Variants in CPA5 observed in about 807,000 individuals in gnomAD.
CPA5 encodes the protein testicular tissue protein Li 32.
Under a neutral mutation model 52.2 loss-of-function variants are expected in CPA5, and 38 were observed. That is an observed-to-expected ratio of 0.73 (90% CI 0.56 to 0.95). CPA5 has a LOEUF of 0.95. CPA5 is among the 40% of genes least tolerant of loss of function. The pLI is 0.00. For missense variants in CPA5, 519 were observed against 566.7 expected (o/e 0.92, Z 0.86); for synonymous variants, 198 against 213.7 (o/e 0.93, Z 0.64).
At chr7:130,355,361 C>G (rs1241082147) in intron 5 of CPA5, among the ~76,000 whole-genome samples, 1 of 152,146 alleles carries the variant, frequency 6.6e-6, no homozygotes, top group Non-Finnish European at 1.5e-5. Flanking sequence ...AAGCATTTAG[C>G]ATGTATTAAC....
At position 130,350,142 on chromosome 7, in the gene CPA5, C is replaced by T. The variant is rs782212311; in HGVS notation, c.333+33C>T. 1.5e-5 allele frequency: 24 copies of T among 1,593,370 alleles called. No individual in the cohort carries two copies. The African/African-American group carries it at 1.7e-4, about 12-fold the overall frequency. On this transcript the variant is annotated intron_variant, in intron 5 of 12. Transcript: ENST00000474905. The stretch of plus-strand genomic sequence containing the variant: ...CCTGCCCCAGCTGGGACCCTGCCTT[C>T]CGCCTTCCTTTCTGGTTGGGGCCCA...
intron 5 of CPA5, among the ~76,000 whole-genome samples, chr7:130,350,847 C>T (rs1554403778): frequency 1.3e-5 from 2 of 152,232 alleles, no homozygotes; most frequent in African/African-American, 4.8e-5. Flanking sequence ...GCTGGTAGCA[C>T]AGCCTCCTTC....
intron 12 of CPA5, 26 bp from the exon 13 acceptor site, chr7:130,368,384 G>T: frequency 6.2e-7 from 1 of 1,608,970 alleles, no homozygotes; most frequent in Non-Finnish European, 8.5e-7. Flanking sequence ...CTTTTGTGGG[G>T]CACATTTTGG....
chr7:130,348,625 G>A (rs1458316979), intron 4 of CPA5, among the ~76,000 whole-genome samples: 6 of 152,166 alleles, frequency 3.9e-5, no homozygotes, highest in Non-Finnish European at 5.9e-5. Context: ...GATGATGAGC[G>A]GCCTCACCTT....
rs1213106063 is a variant in CPA5 at position 130,345,110 on chromosome 7, T to C, written c.-247T>C. The stretch of plus-strand genomic sequence containing the variant: ...TTTCTTTTCTATGTCCTTAAACCCT[T>C]TGATAATGTTACTGTTTGAGAGTCC... On this transcript the variant is annotated 5_prime_UTR_variant, in exon 1 of 13. Coordinates refer to ENST00000474905, the MANE Select transcript of CPA5 (RefSeq NM_080385.5). The C allele has an allele frequency of 2.6e-5, 4 of 152,214 alleles. No homozygotes were observed. The highest frequency in any genetic ancestry group is 9.7e-5 in the African/African-American group (4 of 41,450). The allele number at this position is 152,214 out of a possible 1,614,324, so 9.4% of individuals were successfully genotyped here.
chr7:130,367,729 C>T, intron 11 of CPA5, 158 bp downstream of exon 11: 2 of 858,666 alleles, frequency 2.3e-6, no homozygotes, highest in Admixed American at 2.1e-5. Flanking sequence ...GCTTGCTGTT[C>T]TCACGTGTGA....
intron 12 of CPA5, 62 bp downstream of exon 12, chr7:130,368,052 C>T: frequency 6.8e-7 from 1 of 1,474,994 alleles, no homozygotes; most frequent in East Asian, 2.3e-5. Context: ...GGCTGCAGGG[C>T]AGTGCCAAGG....
chr7:130,365,900 A>G (rs1192303027), intron 10 of CPA5, among the ~76,000 whole-genome samples: 1 of 152,238 alleles, frequency 6.6e-6, no homozygotes, highest in South Asian at 2.1e-4. Flanking sequence ...GGCCACTGTT[A>G]GATGGGCTGA....
intron 5 of CPA5, among the ~76,000 whole-genome samples, chr7:130,356,520 G>A (rs1795485947): frequency 6.6e-6 from 1 of 152,220 alleles, no homozygotes; most frequent in Non-Finnish European, 1.5e-5. Context: ...AAACGCTGGT[G>A]CATTTTCCAG....
Position 130,362,995 on chromosome 7 carries a change from G to C in CPA5, c.747+1G>C. Reference sequence around the variant, plus strand: ...TGGGTTTGCTTTTACCCACAGCATGGTGAGGGAACCTGGGAAGGATGGAAG... The same window carrying C: ...TGGGTTTGCTTTTACCCACAGCATGCTGAGGGAACCTGGGAAGGATGGAAG... On this transcript the variant is annotated splice_donor_variant, in intron 9 of 12. Transcript: ENST00000474905. LOFTEE classifies it high-confidence loss of function. The C allele has an allele frequency of 6.3e-7, 1 of 1,578,812 alleles. No individual in the cohort carries two copies. The highest frequency in any genetic ancestry group is 8.7e-7 in the Non-Finnish European group (1 of 1,148,006).
At chr7:130,348,649 G>A (rs913135673) in intron 4 of CPA5, among the ~76,000 whole-genome samples, 11 of 152,112 alleles carry the variant, frequency 7.2e-5, no homozygotes, top group Non-Finnish European at 1.3e-4. Flanking sequence ...GACTCTTTAG[G>A]GCTCTCTGGA....
Position 130,367,460 on chromosome 7 carries a change from C to T in CPA5, c.927C>T (p.Phe309=), listed in dbSNP as rs1554408821. Residue 309 remains phenylalanine (F), a synonymous_variant, in exon 11 of 13, where the codon TTC becomes TTT. Transcript: ENST00000474905. ...CGGAGGTGGCTGCCATAGTGAACTT[C>T]ATCACAGCCCATGGCAACTTCAAGG... ...SEPEVAAIVN[F]ITAHGNFKAL... 1 of 1,614,178 alleles carries T rather than the reference C, an allele frequency of 6.2e-7. No individual in the cohort carries two copies. Among genetic ancestry groups the T allele is most frequent in the Admixed American group, 1.7e-5 (1 of 60,018 alleles).
At chr7:130,367,122 A>T (rs1174831073) in intron 10 of CPA5, among the ~76,000 whole-genome samples, 1 of 147,450 alleles carries the variant, frequency 6.8e-6, no homozygotes, top group African/African-American at 2.5e-5. Flanking sequence ...TCTATCTAGA[A>T]TTTTTTTTTT....
At position 130,362,905 on chromosome 7, in the gene CPA5, G is replaced by C; in HGVS notation, c.658G>C (p.Asp220His). Residue 220 changes from aspartate to histidine, a missense_variant, in exon 9 of 13, where the codon GAC becomes CAC. Physicochemically the swap from Asp to His is moderately conservative, Grantham distance 81. Coordinates refer to ENST00000474905, the MANE Select transcript of CPA5 (RefSeq NM_080385.5). ...ANKIVSDYGKDRVLTDILNAM... is the reference protein window; with the variant it reads ...ANKIVSDYGKHRVLTDILNAM... ...GCAGATTGTCAGTGATTATGGCAAA[G>C]ACCGTGTCCTGACAGACATACTGAA... The C allele has an allele frequency of 6.2e-7, 1 of 1,612,886 alleles. No homozygotes were observed. The highest frequency in any genetic ancestry group is 8.5e-7 in the Non-Finnish European group (1 of 1,178,986).
chr7:130,346,316 C>G (rs1002520552), intron 2 of CPA5, 77 bp from the exon 3 acceptor site: 18 of 501,280 alleles, frequency 3.6e-5, no homozygotes, highest in African/African-American at 5.9e-5. Context: ...TGGGGAGGGG[C>G]AGCCCTAGCT....
chr7:130,347,756 G>T lies in CPA5; in HGVS notation c.117-10G>T. ...CGCAGCTTCCTCCGCCCCTCCCTGTGTTTTTCTAGGGACCAGGTTCTTCGA... is the reference window on the plus strand; with the variant it reads ...CGCAGCTTCCTCCGCCCCTCCCTGTTTTTTTCTAGGGACCAGGTTCTTCGA... On this transcript the variant is annotated splice_polypyrimidine_tract_variant and intron_variant, in intron 3 of 12. Coordinates refer to ENST00000474905, the MANE Select transcript of CPA5 (RefSeq NM_080385.5). 1 of 1,612,924 alleles carries T rather than the reference G, an allele frequency of 6.2e-7. No individual in the cohort carries two copies. The highest frequency in any genetic ancestry group is 8.5e-7 in the Non-Finnish European group (1 of 1,179,104).
chr7:130,371,298 C>A (rs943620307), downstream of CPA5, among the ~76,000 whole-genome samples: 9 of 152,238 alleles, frequency 5.9e-5, no homozygotes, highest in Non-Finnish European at 8.8e-5. Flanking sequence ...CTCTCAGAGG[C>A]AGGACTATTA....
chr7:130,357,916 A>C lies in CPA5; in HGVS notation c.334-1673A>C, dbSNP rs564116994. Among the ~76,000 whole-genome samples, 5 of 151,752 alleles carry C rather than the reference A, an allele frequency of 3.3e-5. No individual in the cohort carries two copies. In the East Asian group the frequency reaches 7.8e-4, roughly 24 times the overall value. On this transcript the variant is annotated intron_variant, in intron 5 of 12. Transcript: ENST00000474905. ...TACACACATATGCATACACACAGAC[A>C]TAAACATATCTGTGTATGTGTGTGT...
At chr7:130,372,828 C>G (rs1413859134), downstream of CPA5, among the ~76,000 whole-genome samples, 1 of 152,140 alleles carries the variant, frequency 6.6e-6, no homozygotes. Context: ...CTCTGAGGGG[C>G]AGGGAGGATC....
Sources: allele counts gnomAD v4.1 joint callset (sites outside exome capture counted in the v4.1 genomes callset), GRCh38; gene constraint gnomAD v4.1.1; transcripts MANE v1.5; gene names NCBI Gene and HGNC (gene_info 2026-07-23, HGNC 2026-07-21).